Variants in KIAA1217 observed in about 807,000 individuals in gnomAD.
KIAA1217 encodes sickle tail protein homolog.
Under a neutral mutation model 163.9 loss-of-function variants are expected in KIAA1217, and 88 were observed. That is an observed-to-expected ratio of 0.54 (90% CI 0.45 to 0.64). The LOEUF (loss-of-function observed/expected upper bound fraction) is 0.64, where lower values mean the gene tolerates loss of function less well. Among genes scored for constraint, KIAA1217 ranks in the 30% least tolerant of loss-of-function variants. The pLI is 0.00. For missense variants in KIAA1217, 2,372 were observed against 2,475.0 expected (o/e 0.96, Z 0.88); for synonymous variants, 903 against 923.1 (o/e 0.98, Z 0.39).
chr10:24,489,473 C>T (rs1359056346), intron 6 of KIAA1217, among the ~76,000 whole-genome samples: 1 of 151,494 alleles, frequency 6.6e-6, no homozygotes, highest in Non-Finnish European at 1.5e-5. Flanking sequence ...CATTCATTTA[C>T]TTAGATATAT....
chr10:23,869,135 T>TG (rs1254228667), intron 1 of KIAA1217, among the ~76,000 whole-genome samples: 3 of 142,520 alleles, frequency 2.1e-5, no homozygotes, highest in Admixed American at 7.0e-5. Flanking sequence ...TTTTTTTTTT[T>TG]TTTTTTTTTT....
intron 2 of KIAA1217, among the ~76,000 whole-genome samples, chr10:24,329,649 A>G (rs549811991): frequency 9.2e-4 from 140 of 152,280 alleles, no homozygotes; most frequent in Non-Finnish European, 1.2e-3. Flanking sequence ...GTTAGATAGG[A>G]ATGAAAATAC....
chr10:24,466,881 T>A, intron 5 of KIAA1217: 1 of 748,502 alleles, frequency 1.3e-6, no homozygotes, highest in Non-Finnish European at 1.6e-6. Flanking sequence ...TCTGATTGAG[T>A]GGTATGTTTA....
At chr10:23,775,122 G>C (rs899012906) in intron 1 of KIAA1217, among the ~76,000 whole-genome samples, 13 of 152,258 alleles carry the variant, frequency 8.5e-5, no homozygotes, top group Admixed American at 7.2e-4. Context: ...CTCAGGCAGT[G>C]AGTCCATTAA....
At chr10:23,972,892 G>A (rs1011814916) in intron 1 of KIAA1217, among the ~76,000 whole-genome samples, 1 of 152,086 alleles carries the variant, frequency 6.6e-6, no homozygotes, top group Non-Finnish European at 1.5e-5. Flanking sequence ...TCACTCATAA[G>A]TGGGAGTTGA....
intron 2 of KIAA1217, among the ~76,000 whole-genome samples, chr10:24,229,586 C>G (rs191797089): frequency 6.6e-6 from 1 of 152,110 alleles, no homozygotes; most frequent in Non-Finnish European, 1.5e-5. Flanking sequence ...GGCACAATCT[C>G]GGCTCACTGC....
At chr10:24,165,095 A>C (rs948491632) in intron 2 of KIAA1217, among the ~76,000 whole-genome samples, 4 of 152,210 alleles carry the variant, frequency 2.6e-5, no homozygotes, top group Non-Finnish European at 5.9e-5. Context: ...GAAAAATGGC[A>C]GAGTAAAGCA....
intron 6 of KIAA1217, among the ~76,000 whole-genome samples, chr10:24,486,855 A>G (rs1462320601): frequency 6.6e-6 from 1 of 152,166 alleles, no homozygotes; most frequent in Non-Finnish European, 1.5e-5. Context: ...AATGGTCAGT[A>G]GAATGTAACC....
At chr10:23,722,252 A>G (rs1837912709) in intron 1 of KIAA1217, among the ~76,000 whole-genome samples, 3 of 152,294 alleles carry the variant, frequency 2.0e-5, no homozygotes, top group Admixed American at 6.5e-5. Context: ...TTTGCAGTTC[A>G]GTTTTGCAAG....
At chr10:23,749,553 A>G (rs1195713710) in intron 1 of KIAA1217, among the ~76,000 whole-genome samples, 1 of 152,116 alleles carries the variant, frequency 6.6e-6, no homozygotes, top group East Asian at 1.9e-4. Flanking sequence ...GACTACAGGC[A>G]TGCACTACCA....
At chr10:24,082,150 T>C (rs563693143) in intron 2 of KIAA1217, among the ~76,000 whole-genome samples, 6 of 152,338 alleles carry the variant, frequency 3.9e-5, no homozygotes, top group African/African-American at 1.4e-4. Context: ...TGGCTGTGGA[T>C]AACTTCACCC....
chr10:24,174,940 C>A (rs994813737), intron 2 of KIAA1217, among the ~76,000 whole-genome samples: 17 of 152,062 alleles, frequency 1.1e-4, no homozygotes, highest in African/African-American at 4.1e-4. Context: ...TCACTGCAAC[C>A]TCTGCCTCCC....
At position 24,060,823 on chromosome 10, in the gene KIAA1217, T is replaced by A. The variant is rs368872083; in HGVS notation, c.-171+53449T>A. Among the ~76,000 whole-genome samples, 21 of 152,276 alleles carry A rather than the reference T, an allele frequency of 1.4e-4. 1 individual carries two copies. In the East Asian group the frequency reaches 3.9e-3, roughly 28 times the overall value. On this transcript the variant is annotated intron_variant, in intron 2 of 18. Transcript: ENST00000376462. ...CTTCGGTGAGAGAGTGAAACCCTGTTTAAAAAAAACAAATATACTGACCTT... is the reference window on the plus strand; with the variant it reads ...CTTCGGTGAGAGAGTGAAACCCTGTATAAAAAAAACAAATATACTGACCTT...
At chr10:23,913,343 CA>C (rs1260461512) in intron 1 of KIAA1217, among the ~76,000 whole-genome samples, 1 of 151,864 alleles carries the variant, frequency 6.6e-6, no homozygotes, top group African/African-American at 2.4e-5. Flanking sequence ...ATAAAGGCGA[CA>C]AAGGCTATCA....
chr10:24,334,126 A>G lies in KIAA1217; in HGVS notation c.355-46743A>G, dbSNP rs2046031901. ...TGGCTGGAGGATACATACATGTTAT[A>G]CATTTATAAAATATTTGAGTTTGGA... On this transcript the variant is annotated intron_variant, in intron 2 of 20. Coordinates refer to ENST00000376454, the MANE Select transcript of KIAA1217 (RefSeq NM_019590.5). Among the ~76,000 whole-genome samples the G allele has an allele frequency of 2.0e-5, 3 of 152,222 alleles. No homozygotes were observed. In the South Asian group the frequency reaches 6.2e-4, roughly 31 times the overall value.
chr10:23,844,034 G>A (rs1838908800), intron 1 of KIAA1217, among the ~76,000 whole-genome samples: 2 of 152,118 alleles, frequency 1.3e-5, no homozygotes, highest in South Asian at 4.1e-4. Context: ...ATGGGGAAGA[G>A]CAGCTGTATA....
intron 6 of KIAA1217, among the ~76,000 whole-genome samples, chr10:24,485,440 A>G (rs1226067406): frequency 2.0e-5 from 3 of 152,124 alleles, no homozygotes; most frequent in Non-Finnish European, 2.9e-5. Context: ...GCATTCTTCC[A>G]CCAAATGTCT....
At chr10:24,069,741 T>G (rs1420444086) in intron 2 of KIAA1217, among the ~76,000 whole-genome samples, 2 of 152,238 alleles carry the variant, frequency 1.3e-5, no homozygotes, top group Non-Finnish European at 2.9e-5. Context: ...GTTGAATCAA[T>G]GTATCCATGA....
intron 1 of KIAA1217, among the ~76,000 whole-genome samples, chr10:23,779,425 TATAA>T (rs1328488217): frequency 1.2e-4 from 18 of 152,322 alleles, no homozygotes; most frequent in African/African-American, 4.1e-4. Context: ...AGCTAGCTAT[TATAA>T]ATAGCCTCCA....
Sources: gnomAD v4.1 joint callset for allele counts (sites outside exome capture counted in the v4.1 genomes callset) on GRCh38, gnomAD v4.1.1 for gene constraint, MANE v1.5 for transcripts, NCBI Gene and HGNC (gene_info 2026-07-23, HGNC 2026-07-21) for gene names.